Variants in XKR6 observed in about 807,000 individuals in gnomAD.
XKR6 encodes the protein XK-related protein 6.
XKR6 carries 22 observed loss-of-function variants against 56.7 expected under a neutral mutation model. That is an observed-to-expected ratio of 0.39 (90% CI 0.28 to 0.55). XKR6 has a LOEUF of 0.55. XKR6 is among the 20% of genes least tolerant of loss of function. XKR6 has a pLI of 0.66. For synonymous variants in XKR6, 524 were observed against 387.8 expected (o/e 1.35, Z -4.13); for missense variants, 852 against 889.0 (o/e 0.96, Z 0.53).
intron 2 of XKR6, among the ~76,000 whole-genome samples, chr8:10,922,860 T>A (rs1015072651): frequency 1.3e-5 from 2 of 152,204 alleles, no homozygotes; most frequent in Non-Finnish European, 2.9e-5. Flanking sequence ...CCTGCCATCC[T>A]CCTCGAGGCC....
chr8:10,983,505 G>A (rs957170171), intron 1 of XKR6, among the ~76,000 whole-genome samples: 1 of 151,924 alleles, frequency 6.6e-6, no homozygotes, highest in African/African-American at 2.4e-5. Flanking sequence ...AATTATCACA[G>A]AAAAAAATAG....
At chr8:10,944,570 G>A (rs1801477676) in intron 1 of XKR6, among the ~76,000 whole-genome samples, 1 of 152,186 alleles carries the variant, frequency 6.6e-6, no homozygotes, top group Non-Finnish European at 1.5e-5. Context: ...AGGTCTGGCA[G>A]CTCAAAGGGC....
intron 2 of XKR6, among the ~76,000 whole-genome samples, chr8:10,918,416 C>T (rs1307499464): frequency 6.6e-6 from 1 of 151,942 alleles, no homozygotes; most frequent in Non-Finnish European, 1.5e-5. Context: ...GTGATGGCAT[C>T]TGGGGCATGC....
intron 1 of XKR6, among the ~76,000 whole-genome samples, chr8:10,943,766 G>C (rs1049136795): frequency 6.6e-6 from 1 of 152,092 alleles, no homozygotes; most frequent in East Asian, 1.9e-4. Flanking sequence ...ACTCGAGAGG[G>C]AGTGCTTTTA....
At chr8:11,143,169 A>G (rs1800790033) in intron 1 of XKR6, among the ~76,000 whole-genome samples, 1 of 152,214 alleles carries the variant, frequency 6.6e-6, no homozygotes, top group African/African-American at 2.4e-5. Flanking sequence ...CTGAGCATCA[A>G]TAGCTAACAT....
At chr8:10,969,246 T>G (rs1802325593) in intron 1 of XKR6, among the ~76,000 whole-genome samples, 1 of 152,162 alleles carries the variant, frequency 6.6e-6, no homozygotes, top group Non-Finnish European at 1.5e-5. Context: ...GATGCATGGT[T>G]CCTGAAACTC....
At chr8:11,131,228 T>C (rs1314053583) in intron 1 of XKR6, among the ~76,000 whole-genome samples, 1 of 152,198 alleles carries the variant, frequency 6.6e-6, no homozygotes, top group Non-Finnish European at 1.5e-5. Flanking sequence ...CCAGGCTTTT[T>C]CTTTATTTGT....
chr8:11,010,144 T>C (rs1798466869), intron 1 of XKR6, among the ~76,000 whole-genome samples: 1 of 152,116 alleles, frequency 6.6e-6, no homozygotes, highest in South Asian at 2.1e-4. Context: ...TAGTCATCTC[T>C]TATATGGCCA....
At chr8:11,114,747 G>A (rs1408463617) in intron 1 of XKR6, among the ~76,000 whole-genome samples, 5 of 135,780 alleles carry the variant, frequency 3.7e-5, no homozygotes, top group African/African-American at 7.5e-5. Flanking sequence ...GTGTGTGTGT[G>A]TGTGTGTGTG....
At chr8:10,975,685 A>G (rs548706060) in intron 1 of XKR6, among the ~76,000 whole-genome samples, 1 of 151,498 alleles carries the variant, frequency 6.6e-6, no homozygotes, top group South Asian at 2.1e-4. Flanking sequence ...GCCCCATTAC[A>G]GCAGCACTGG....
chr8:11,142,596 C>G (rs1370169430), intron 1 of XKR6, among the ~76,000 whole-genome samples: 1 of 152,158 alleles, frequency 6.6e-6, no homozygotes, highest in Non-Finnish European at 1.5e-5. Context: ...AAGTGTGTGG[C>G]ATCCCTGCTC....
At chr8:10,949,289 G>A (rs1244654277) in intron 1 of XKR6, among the ~76,000 whole-genome samples, 1 of 152,262 alleles carries the variant, frequency 6.6e-6, no homozygotes, top group Non-Finnish European at 1.5e-5. Flanking sequence ...CAGCTTAGTG[G>A]ACTCTCCATA....
At chr8:10,944,711 C>G (rs1324604156) in intron 1 of XKR6, among the ~76,000 whole-genome samples, 3 of 152,176 alleles carry the variant, frequency 2.0e-5, no homozygotes, top group African/African-American at 7.2e-5. Flanking sequence ...ATGCTCCCCT[C>G]CACCCTGCAC....
At chr8:10,937,877 A>T (rs1468344822) in intron 1 of XKR6, among the ~76,000 whole-genome samples, 1 of 152,072 alleles carries the variant, frequency 6.6e-6, no homozygotes, top group Non-Finnish European at 1.5e-5. Flanking sequence ...CTGCCCCCAG[A>T]GGTGGAGCCT....
chr8:11,186,533 A>T (rs75015180), intron 1 of XKR6, among the ~76,000 whole-genome samples: 2 of 152,104 alleles, frequency 1.3e-5, no homozygotes, highest in Admixed American at 1.3e-4. Context: ...GTGCCACACC[A>T]CATCCAGCTC....
chr8:11,057,582 C>T (rs535999549), intron 1 of XKR6, among the ~76,000 whole-genome samples: 12 of 152,314 alleles, frequency 7.9e-5, no homozygotes, highest in South Asian at 4.1e-4. Flanking sequence ...TGAGTTCCCA[C>T]GGTCACAGAG....
intron 1 of XKR6, among the ~76,000 whole-genome samples, chr8:10,991,988 T>C (rs1052630964): frequency 2.6e-5 from 4 of 152,180 alleles, no homozygotes; most frequent in African/African-American, 9.6e-5. Context: ...CCTGTCTATA[T>C]ACAGGTGGCC....
chr8:10,924,881 T>C (rs1800833989), intron 1 of XKR6, 51 bp from the exon 2 acceptor site: 5 of 1,552,466 alleles, frequency 3.2e-6, no homozygotes, highest in Non-Finnish European at 3.5e-6. Flanking sequence ...GTGCAGGGGC[T>C]CCAGAGGACC....
chr8:11,041,384 C>G (rs537832954), intron 1 of XKR6, among the ~76,000 whole-genome samples: 2 of 151,968 alleles, frequency 1.3e-5, no homozygotes, highest in African/African-American at 2.4e-5. Context: ...GGTGAAACCC[C>G]GTCTCTACTA....
Sources: gnomAD v4.1 joint callset for allele counts (sites outside exome capture counted in the v4.1 genomes callset) on GRCh38, gnomAD v4.1.1 for gene constraint, MANE v1.5 for transcripts, NCBI Gene and HGNC (gene_info 2026-07-23, HGNC 2026-07-21) for gene names.